The following PPP2R3A variants were observed in gnomAD, a reference collection of about 807,000 sequenced individuals.
PPP2R3A encodes the protein protein phosphatase 2 regulatory subunit B''alpha.
PPP2R3A carries 80 observed loss-of-function variants against 106.9 expected under a neutral mutation model. The observed-to-expected ratio is 0.75, with a 90% CI of 0.62 to 0.90. The LOEUF (loss-of-function observed/expected upper bound fraction) is 0.90. Among genes scored for constraint, PPP2R3A ranks in the 40% least tolerant of loss-of-function variants. The probability of loss-of-function intolerance (pLI) is 0.00; values close to 1 mark genes in which losing one functional copy is unlikely to be tolerated. For missense variants in PPP2R3A, 1,386 were observed against 1,350.4 expected, an observed-to-expected ratio of 1.03 and a Z score of -0.41; for synonymous variants, 483 against 468.3, an observed-to-expected ratio of 1.03 and a Z score of -0.41.
intron 10 of PPP2R3A, among the ~76,000 whole-genome samples, chr3:136,098,745 C>A (rs1191563432): frequency 6.6e-6 from 1 of 152,118 alleles, no homozygotes; most frequent in Non-Finnish European, 1.5e-5. Flanking sequence ...GAGGGAAAAA[C>A]CAAGAAGCAA....
In PPP2R3A at chr3:136,120,480, A is replaced by C. The variant is rs139903988; in HGVS notation, c.3329+14158A>C. ...GTGTGCGCCTGTAGTCCCAGCTATT[A>C]AGGAGGCCGAGGCAGGAGAATCACT... is the stretch of plus-strand genomic sequence containing the variant. On this transcript the variant is annotated intron_variant, in intron 13 of 13. Transcript: ENST00000264977. Among the ~76,000 whole-genome samples, 306 of 151,988 alleles carry C rather than the reference A, an allele frequency of 2.0e-3. 1 individual carries two copies. The highest frequency in any genetic ancestry group is 7.0e-3 in the African/African-American group (289 of 41,486).
At chr3:136,116,825 T>G (rs1411492335) in intron 13 of PPP2R3A, among the ~76,000 whole-genome samples, 1 of 151,708 alleles carries the variant, frequency 6.6e-6, no homozygotes, top group Non-Finnish European at 1.5e-5. Flanking sequence ...CAGTATTAGA[T>G]CAACAAGACC....
intron 3 of PPP2R3A, among the ~76,000 whole-genome samples, chr3:136,035,806 C>T (rs1450307423): frequency 6.6e-6 from 1 of 152,204 alleles, no homozygotes; most frequent in Non-Finnish European, 1.5e-5. Context: ...CTCAATTATT[C>T]TCCCAAGTAT....
intron 6 of PPP2R3A, among the ~76,000 whole-genome samples, chr3:136,076,590 A>T (rs1305221528): frequency 6.6e-6 from 1 of 152,214 alleles, no homozygotes; most frequent in Non-Finnish European, 1.5e-5. Flanking sequence ...ATAATACAAA[A>T]ATCTTTGTTA....
intron 5 of PPP2R3A, among the ~76,000 whole-genome samples, chr3:136,054,123 A>G (rs552689716): frequency 6.6e-6 from 1 of 152,262 alleles, no homozygotes; most frequent in East Asian, 1.9e-4. Context: ...TTCTTTACCC[A>G]GTGCTTTTTA....
chr3:136,085,112 A>G (rs890327670), intron 8 of PPP2R3A, among the ~76,000 whole-genome samples: 4 of 152,138 alleles, frequency 2.6e-5, no homozygotes, highest in Admixed American at 2.0e-4. Flanking sequence ...TTGGAACAAT[A>G]TGGTTTGGCT....
At chr3:136,029,467 A>G (rs1168233906) in intron 3 of PPP2R3A, among the ~76,000 whole-genome samples, 1 of 152,148 alleles carries the variant, frequency 6.6e-6, no homozygotes, top group Non-Finnish European at 1.5e-5. Flanking sequence ...CAGAAAGCCT[A>G]AAGACTCCAC....
At chr3:135,979,671 C>G (rs948952647) in intron 1 of PPP2R3A, among the ~76,000 whole-genome samples, 1 of 151,656 alleles carries the variant, frequency 6.6e-6, no homozygotes, top group African/African-American at 2.4e-5. Context: ...ATTGCTCATC[C>G]TGCCATCATT....
intron 5 of PPP2R3A, among the ~76,000 whole-genome samples, chr3:136,061,095 A>T (rs1480792760): frequency 2.0e-5 from 3 of 152,198 alleles, no homozygotes; most frequent in African/African-American, 7.2e-5. Flanking sequence ...AAGCTGTTAG[A>T]ATTTTAAAAT....
intron 1 of PPP2R3A, among the ~76,000 whole-genome samples, chr3:135,973,340 T>A (rs571823486): frequency 6.6e-6 from 1 of 152,324 alleles, no homozygotes; most frequent in African/African-American, 2.4e-5. Context: ...TCATGATTAT[T>A]ATTGGCATGC....
chr3:136,054,262 T>C (rs1010323014), intron 5 of PPP2R3A, among the ~76,000 whole-genome samples: 2 of 144,278 alleles, frequency 1.4e-5, no homozygotes, highest in African/African-American at 5.2e-5. Flanking sequence ...TCTTTTTTTT[T>C]TTTTTTTTTT....
intron 1 of PPP2R3A, among the ~76,000 whole-genome samples, chr3:135,976,716 A>G (rs1937431005): frequency 6.6e-6 from 1 of 152,158 alleles, no homozygotes; most frequent in South Asian, 2.1e-4. Context: ...AAATTTCCCT[A>G]TCTTTGCCTT....
chr3:136,065,850 A>G (rs942312378), intron 5 of PPP2R3A, among the ~76,000 whole-genome samples: 6 of 152,084 alleles, frequency 3.9e-5, no homozygotes, highest in African/African-American at 1.4e-4. Context: ...TAATTTTTAC[A>G]TTTTTTATAG....
chr3:136,137,166 A>G (rs1280471899), intron 13 of PPP2R3A, among the ~76,000 whole-genome samples: 1 of 152,176 alleles, frequency 6.6e-6, no homozygotes, highest in African/African-American at 2.4e-5. Context: ...CACAGAAATT[A>G]TGTAAAGAAG....
At chr3:136,101,914 A>G in intron 10 of PPP2R3A, 93 bp from the exon 11 acceptor site, 1 of 1,284,418 alleles carries the variant, frequency 7.8e-7, no homozygotes, top group Non-Finnish European at 1.1e-6. Context: ...AGTGTATGTA[A>G]TATGTAACTT....
At chr3:136,009,489 C>G (rs566728454) in intron 2 of PPP2R3A, among the ~76,000 whole-genome samples, 1 of 152,174 alleles carries the variant, frequency 6.6e-6, no homozygotes, top group African/African-American at 2.4e-5. Context: ...GTATCCAATA[C>G]AGGAGCTTCT....
chr3:136,118,825 C>T (rs760059561), intron 13 of PPP2R3A, among the ~76,000 whole-genome samples: 27 of 152,160 alleles, frequency 1.8e-4, no homozygotes, highest in Non-Finnish European at 3.2e-4. Flanking sequence ...AATGCTATCC[C>T]CATCAAGCTA....
chr3:136,001,143 A>G lies in PPP2R3A; in HGVS notation c.-356A>G. 4.9e-6 allele frequency: 2 copies of G among 407,818 alleles called. No homozygotes were observed. The highest frequency in any genetic ancestry group is 8.6e-6 in the Non-Finnish European group (2 of 232,054). 25.3% of individuals were successfully genotyped at this position (407,818 alleles called of 1,614,324 possible). ...CAATACTTCTCTACTACCAACTAAG[A>G]TTTATGATAGTAAATTTATGAGAGC... On this transcript the variant is annotated 5_prime_UTR_variant, in exon 2 of 14. Coordinates refer to ENST00000264977, the MANE Select transcript of PPP2R3A (RefSeq NM_002718.5).
At chr3:136,077,862 A>T (rs1011830842) in intron 6 of PPP2R3A, among the ~76,000 whole-genome samples, 1 of 152,336 alleles carries the variant, frequency 6.6e-6, no homozygotes, top group East Asian at 1.9e-4. Flanking sequence ...ATTATCCCAG[A>T]TGTATTTGAA....
Sources: allele counts gnomAD v4.1 joint callset (sites outside exome capture counted in the v4.1 genomes callset), GRCh38; gene constraint gnomAD v4.1.1; transcripts MANE v1.5; gene names NCBI Gene and HGNC (gene_info 2026-07-23, HGNC 2026-07-21).